The following XKR6 variants were observed in gnomAD, a reference collection of about 807,000 sequenced individuals.
XKR6 encodes XK-related protein 6.
A neutral mutation model predicts 56.7 loss-of-function variants in XKR6; 22 were observed. The ratio of observed to expected loss-of-function variants is 0.39; its 90% CI spans 0.28 to 0.55. The LOEUF is 0.55. XKR6 is among the 20% of genes least tolerant of loss of function. The pLI is 0.66. For synonymous variants in XKR6, 524 were observed against 387.8 expected (o/e 1.35, Z -4.13); for missense variants, 852 against 889.0 (o/e 0.96, Z 0.53).
At chr8:10,947,141 C>G (rs1011032152) in intron 1 of XKR6, among the ~76,000 whole-genome samples, 1 of 151,974 alleles carries the variant, frequency 6.6e-6, no homozygotes, top group Non-Finnish European at 1.5e-5. Flanking sequence ...CCAGTGACTA[C>G]GAGTGAGGAG....
chr8:10,911,524 A>G (rs866102435), intron 2 of XKR6, among the ~76,000 whole-genome samples: 3 of 148,734 alleles, frequency 2.0e-5, no homozygotes, highest in Non-Finnish European at 3.0e-5. Flanking sequence ...ATATATGTAG[A>G]AAGAGAGGGG....
At chr8:10,970,042 C>T (rs1802357418) in intron 1 of XKR6, among the ~76,000 whole-genome samples, 1 of 152,232 alleles carries the variant, frequency 6.6e-6, no homozygotes, top group Non-Finnish European at 1.5e-5. Flanking sequence ...ATGCTCGCCA[C>T]AGATGGGTGG....
intron 1 of XKR6, among the ~76,000 whole-genome samples, chr8:11,162,316 C>T (rs763197860): frequency 6.6e-6 from 1 of 152,090 alleles, no homozygotes; most frequent in Non-Finnish European, 1.5e-5. Context: ...CCGCCTTCTC[C>T]CCCTTGGCCC....
intron 1 of XKR6, among the ~76,000 whole-genome samples, chr8:11,143,892 T>C (rs1464573527): frequency 6.6e-6 from 1 of 152,134 alleles, no homozygotes; most frequent in Non-Finnish European, 1.5e-5. Context: ...AAGTGCAAGA[T>C]CTAGGTCTCA....
At chr8:11,077,933 A>G (rs576946485) in intron 1 of XKR6, among the ~76,000 whole-genome samples, 2 of 152,188 alleles carry the variant, frequency 1.3e-5, no homozygotes, top group Non-Finnish European at 2.9e-5. Flanking sequence ...GTCTACCTGC[A>G]CTGGCCGCCG....
chr8:10,984,965 G>A (rs1797827639), intron 1 of XKR6, among the ~76,000 whole-genome samples: 1 of 151,272 alleles, frequency 6.6e-6, no homozygotes, highest in Non-Finnish European at 1.5e-5. Flanking sequence ...TTTGAAACGG[G>A]GTCCTGCTCT....
At chr8:11,065,904 G>A (rs538536546) in intron 1 of XKR6, among the ~76,000 whole-genome samples, 4 of 152,338 alleles carry the variant, frequency 2.6e-5, no homozygotes, top group Non-Finnish European at 4.4e-5. Context: ...GCAGGGCTAA[G>A]CAATGGATGT....
chr8:11,132,766 C>T (rs561456420), intron 1 of XKR6, among the ~76,000 whole-genome samples: 6 of 115,968 alleles, frequency 5.2e-5, no homozygotes, highest in East Asian at 3.9e-4. Context: ...CACACACGCA[C>T]GCACACACAC....
intron 1 of XKR6, among the ~76,000 whole-genome samples, chr8:11,095,707 G>T (rs1018982234): frequency 6.6e-6 from 1 of 152,168 alleles, no homozygotes; most frequent in Non-Finnish European, 1.5e-5. Context: ...AAGTTTGTGG[G>T]CTTATGGAAG....
chr8:11,002,771 T>C (rs565734455), intron 1 of XKR6, among the ~76,000 whole-genome samples: 3 of 152,274 alleles, frequency 2.0e-5, no homozygotes, highest in African/African-American at 4.8e-5. Flanking sequence ...GTGCTAAGGA[T>C]GGTACTGCAG....
chr8:10,897,985 G>T lies in XKR6; in HGVS notation c.1893C>A (p.Leu631=). The change falls in exon 3 of 3, where the codon CTC becomes CTA. Residue 631 remains leucine (L), a synonymous_variant. Coordinates refer to ENST00000416569, the MANE Select transcript of XKR6 (RefSeq NM_173683.4). ...VGIRYRDGPL[L]YELLQYESSL ...AAGACTCATACTGTAGCAACTCATA[G>T]AGGAGTGGTCCGTCTCGATATCGAA... is the stretch of plus-strand genomic sequence containing the variant. 1.2e-6 allele frequency: 2 copies of T among 1,603,918 alleles called. No homozygotes were observed. The highest frequency in any genetic ancestry group is 1.7e-6 in the Non-Finnish European group (2 of 1,175,456).
chr8:11,177,202 G>T (rs1489334714), intron 1 of XKR6, among the ~76,000 whole-genome samples: 1 of 152,208 alleles, frequency 6.6e-6, no homozygotes, highest in Non-Finnish European at 1.5e-5. Context: ...GCAACAGGCT[G>T]TGTAACCTCC....
intron 1 of XKR6, among the ~76,000 whole-genome samples, chr8:11,168,545 T>C (rs890388428): frequency 2.6e-5 from 4 of 152,024 alleles, no homozygotes; most frequent in Non-Finnish European, 4.4e-5. Flanking sequence ...ACCAACTAGA[T>C]CTAACAGACA....
At chr8:11,156,176 G>A (rs956634354) in intron 1 of XKR6, among the ~76,000 whole-genome samples, 1 of 152,100 alleles carries the variant, frequency 6.6e-6, no homozygotes, top group Non-Finnish European at 1.5e-5. Flanking sequence ...CTTTTACTGT[G>A]GCAAGGTCAG....
chr8:10,970,984 G>T (rs1189909549), intron 1 of XKR6, among the ~76,000 whole-genome samples: 4 of 151,712 alleles, frequency 2.6e-5, no homozygotes, highest in South Asian at 2.1e-4. Flanking sequence ...TGTCTCAGCT[G>T]CCAGGAAGCT....
chr8:11,060,817 C>G (rs192390494), intron 1 of XKR6, among the ~76,000 whole-genome samples: 1 of 152,320 alleles, frequency 6.6e-6, no homozygotes, highest in African/African-American at 2.4e-5. Context: ...GAACAAGTCT[C>G]GTAGATGAGG....
At chr8:11,001,454 T>C (rs1299845567) in intron 1 of XKR6, among the ~76,000 whole-genome samples, 1 of 152,208 alleles carries the variant, frequency 6.6e-6, no homozygotes, top group Non-Finnish European at 1.5e-5. Flanking sequence ...GACTCTCGAA[T>C]ATTCAAACTA....
intron 1 of XKR6, among the ~76,000 whole-genome samples, chr8:11,134,225 T>C (rs577524382): frequency 5.3e-5 from 8 of 152,278 alleles, no homozygotes; most frequent in Non-Finnish European, 1.2e-4. Context: ...CCCACCTCTT[T>C]CATAGCACTG....
intron 1 of XKR6, among the ~76,000 whole-genome samples, chr8:11,178,648 C>A (rs1442808275): frequency 1.5e-5 from 2 of 132,970 alleles, no homozygotes; most frequent in African/African-American, 7.3e-5. Flanking sequence ...TACACATACA[C>A]ACAAATATAT....
Sources: allele counts gnomAD v4.1 joint callset (sites outside exome capture counted in the v4.1 genomes callset), GRCh38; gene constraint gnomAD v4.1.1; transcripts MANE v1.5; gene names NCBI Gene and HGNC (gene_info 2026-07-23, HGNC 2026-07-21).